Variants in GRM7 observed in about 807,000 individuals in gnomAD.
GRM7 encodes the protein glutamate metabotropic receptor 7, also known as metabotropic glutamate receptor 7.
A neutral mutation model predicts 84.5 loss-of-function variants in GRM7; 35 were observed. The ratio of observed to expected loss-of-function variants is 0.41; its 90% CI spans 0.32 to 0.55. The LOEUF (loss-of-function observed/expected upper bound fraction) is 0.55, where lower values mean the gene tolerates loss of function less well. Ranked by LOEUF, GRM7 falls within the 20% of genes least tolerant of loss-of-function variation. The pLI, the probability that GRM7 is intolerant of heterozygous loss-of-function variation, is 0.19. For synonymous variants in GRM7, 487 were observed against 455.1 expected (o/e 1.07, Z -0.89); for missense variants, 1,003 against 1,194.6 (o/e 0.84, Z 2.36).
At chr3:7,064,243 C>G in intron 1 of GRM7, among the ~76,000 whole-genome samples, 1 of 150,546 alleles carries the variant, frequency 6.6e-6, no homozygotes, top group East Asian at 2.0e-4. Context: ...CCTTCCCACT[C>G]TTCCCCCCAA....
At chr3:7,494,183 A>G (rs1039051804) in intron 7 of GRM7, among the ~76,000 whole-genome samples, 5 of 152,162 alleles carry the variant, frequency 3.3e-5, no homozygotes, top group Middle Eastern at 3.4e-3. Flanking sequence ...ATACATTATT[A>G]TTATTATTTG....
chr3:7,729,114 G>A (rs1702225651), intron 9 of GRM7, among the ~76,000 whole-genome samples: 1 of 150,038 alleles, frequency 6.7e-6, no homozygotes, highest in Non-Finnish European at 1.5e-5. Context: ...CTCAGTATCA[G>A]TAAATTTTAT....
chr3:7,619,001 G>T (rs1056597973), intron 8 of GRM7, among the ~76,000 whole-genome samples: 4 of 152,164 alleles, frequency 2.6e-5, no homozygotes, highest in Non-Finnish European at 5.9e-5. Flanking sequence ...CTATCTTTCT[G>T]TGGAGGGTGT....
chr3:7,192,639 G>C (rs1024244407), intron 2 of GRM7, among the ~76,000 whole-genome samples: 2 of 152,000 alleles, frequency 1.3e-5, no homozygotes, highest in African/African-American at 4.8e-5. Flanking sequence ...GTTCCGATTT[G>C]TCCCTCTATC....
intron 7 of GRM7, among the ~76,000 whole-genome samples, chr3:7,479,483 C>A (rs1322406851): frequency 6.6e-6 from 1 of 152,058 alleles, no homozygotes; most frequent in Non-Finnish European, 1.5e-5. Flanking sequence ...ATGACAGCAC[C>A]TGCTACAGAT....
At chr3:6,867,869 A>G (rs74889852) in intron 1 of GRM7, among the ~76,000 whole-genome samples, 2,925 of 152,196 alleles carry the variant, frequency 0.019, 100 homozygotes, top group African/African-American at 0.067. Context: ...CCTTCTTCAC[A>G]TTATATTTCC....
At chr3:7,105,829 A>G (rs924016875) in intron 1 of GRM7, among the ~76,000 whole-genome samples, 16 of 151,846 alleles carry the variant, frequency 1.1e-4, no homozygotes, top group Admixed American at 7.9e-4. Context: ...AAGATGAAAG[A>G]GTTGGGTTAT....
At chr3:7,538,646 C>A (rs901215980) in intron 7 of GRM7, among the ~76,000 whole-genome samples, 1 of 152,112 alleles carries the variant, frequency 6.6e-6, no homozygotes, top group Non-Finnish European at 1.5e-5. Flanking sequence ...CAGTAAACAT[C>A]ACTGAGTGCC....
chr3:7,167,266 A>C (rs1516302), intron 2 of GRM7, among the ~76,000 whole-genome samples: 9 of 152,022 alleles, frequency 5.9e-5, no homozygotes, highest in African/African-American at 2.2e-4. Context: ...TCAGCATTCA[A>C]TTTGGAAGCT....
intron 6 of GRM7, among the ~76,000 whole-genome samples, chr3:7,456,445 T>C (rs1327428522): frequency 2.2e-5 from 2 of 90,510 alleles, no homozygotes; most frequent in Non-Finnish European, 5.3e-5. Context: ...TGCTATTTTT[T>C]TTTCCTTTTT....
chr3:7,294,948 T>C (rs1699763674), intron 2 of GRM7, among the ~76,000 whole-genome samples: 1 of 152,232 alleles, frequency 6.6e-6, no homozygotes, highest in Non-Finnish European at 1.5e-5. Context: ...TTTAACCAAG[T>C]GTCTGGCTTG....
chr3:7,361,021 A>G (rs1471961535), intron 4 of GRM7, among the ~76,000 whole-genome samples: 4 of 152,058 alleles, frequency 2.6e-5, no homozygotes, highest in Non-Finnish European at 4.4e-5. Context: ...TAATTCCAAA[A>G]ATTATCTCCT....
intron 2 of GRM7, among the ~76,000 whole-genome samples, chr3:7,157,293 A>AACATAG (rs1222265285): frequency 6.6e-6 from 1 of 152,186 alleles, no homozygotes; most frequent in Non-Finnish European, 1.5e-5. Context: ...TTTCAGGATA[A>AACATAG]ACATAGAATC....
At chr3:7,076,031 A>G (rs1418903836) in intron 1 of GRM7, among the ~76,000 whole-genome samples, 2 of 152,128 alleles carry the variant, frequency 1.3e-5, no homozygotes, top group Non-Finnish European at 1.5e-5. Flanking sequence ...AGAAAAAAAC[A>G]TTTTTACTAA....
chr3:7,017,351 A>G lies in GRM7; in HGVS notation c.520-129101A>G, dbSNP rs576466352. The stretch of plus-strand genomic sequence containing the variant: ...TAATAAGCAACTAAGCTGGGCCACA[A>G]AGAGGTTTGGGAAAATTTGTCTTCT... On this transcript the variant is annotated intron_variant, in intron 1 of 9. Coordinates refer to ENST00000357716, the MANE Select transcript of GRM7 (RefSeq NM_000844.4). Among the ~76,000 whole-genome samples the G allele has an allele frequency of 1.9e-3, 290 of 152,336 alleles. 1 individual carries two copies. Among genetic ancestry groups the G allele is most frequent in the African/African-American group, 6.4e-3 (266 of 41,570 alleles).
At chr3:6,939,546 G>C (rs542931014) in intron 1 of GRM7, among the ~76,000 whole-genome samples, 1 of 152,146 alleles carries the variant, frequency 6.6e-6, no homozygotes, top group South Asian at 2.1e-4. Context: ...TTTAGATTCT[G>C]TATGTGTCAT....
chr3:7,352,056 A>C (rs372194058), intron 4 of GRM7, among the ~76,000 whole-genome samples: 22 of 46,966 alleles, frequency 4.7e-4, no homozygotes, highest in Admixed American at 4.0e-3. Context: ...ACACACACAC[A>C]CCACACACAC....
intron 8 of GRM7, among the ~76,000 whole-genome samples, chr3:7,678,877 T>C (rs1450378539): frequency 6.6e-6 from 1 of 152,210 alleles, no homozygotes; most frequent in Non-Finnish European, 1.5e-5. Context: ...CAGTGAGTTA[T>C]AGGTAGGAAA....
intron 1 of GRM7, among the ~76,000 whole-genome samples, chr3:6,882,383 A>G (rs958726501): frequency 5.9e-5 from 9 of 152,166 alleles, no homozygotes; most frequent in Admixed American, 3.9e-4. Context: ...TTAAAAAGGC[A>G]TAAAGAAAAA....
Sources: allele counts gnomAD v4.1 joint callset (sites outside exome capture counted in the v4.1 genomes callset), GRCh38; gene constraint gnomAD v4.1.1; transcripts MANE v1.5; gene names NCBI Gene and HGNC (gene_info 2026-07-23, HGNC 2026-07-21).